Variants in SARDH observed in about 807,000 individuals in gnomAD.
SARDH encodes sarcosine dehydrogenase, mitochondrial.
A neutral mutation model predicts 109.1 loss-of-function variants in SARDH; 95 were observed. The observed-to-expected ratio is 0.87, with a 90% CI of 0.74 to 1.03. SARDH has a LOEUF of 1.03. SARDH is among the 50% of genes least tolerant of loss of function. The pLI, the probability that SARDH is intolerant of heterozygous loss-of-function variation, is 0.00. For synonymous variants in SARDH, 572 were observed against 534.8 expected (o/e 1.07, Z -0.96); for missense variants, 1,267 against 1,287.8 (o/e 0.98, Z 0.25).
rs367808150 is a variant in SARDH at position 133,692,272 on chromosome 9, T to A, written c.1922-1745A>T. Reference sequence around the variant, plus strand: ...GGCAGGACCTGGCCAGGATTTTTGGTGACCTGTGTCCTCATTTTGGCCCCT... The same window carrying A: ...GGCAGGACCTGGCCAGGATTTTTGGAGACCTGTGTCCTCATTTTGGCCCCT... On this transcript the variant is annotated intron_variant, in intron 15 of 20. Transcript: ENST00000439388. The surrounding 1 kb of genome is among the most constrained non-coding windows in gnomAD (Gnocchi z 5.0). Among the ~76,000 whole-genome samples, 1 of 152,276 alleles carries A rather than the reference T, an allele frequency of 6.6e-6. No homozygotes were observed.
chr9:133,732,250 C>T (rs924878535), intron 3 of SARDH, among the ~76,000 whole-genome samples, 173 bp downstream of exon 3: 1 of 150,670 alleles, frequency 6.6e-6, no homozygotes, highest in African/African-American at 2.4e-5. Flanking sequence ...GAGCCCCCCA[C>T]CCCAGCCCCC....
At chr9:133,724,827 T>A (rs549294671) in intron 6 of SARDH, among the ~76,000 whole-genome samples, 1 of 152,122 alleles carries the variant, frequency 6.6e-6, no homozygotes, top group South Asian at 2.1e-4. Context: ...TTGAGCATCA[T>A]GTTAGTGCTC....
intron 4 of SARDH, among the ~76,000 whole-genome samples, 154 bp from the exon 5 acceptor site, chr9:133,730,341 A>C (rs1206208826): frequency 6.6e-6 from 1 of 152,146 alleles, no homozygotes; most frequent in Non-Finnish European, 1.5e-5. Flanking sequence ...AAACCGGATG[A>C]CCACAGCGCC....
At chr9:133,680,991 G>A (rs1177894797) in intron 17 of SARDH, among the ~76,000 whole-genome samples, 3 of 152,236 alleles carry the variant, frequency 2.0e-5, no homozygotes, top group African/African-American at 4.8e-5. Flanking sequence ...TGACCCCACA[G>A]AGCCGGCCAC....
intron 17 of SARDH, among the ~76,000 whole-genome samples, chr9:133,680,362 T>C (rs1323560187): frequency 6.6e-6 from 1 of 152,188 alleles, no homozygotes; most frequent in Admixed American, 6.5e-5. Flanking sequence ...ATCTCCCACC[T>C]GCCTGTGAGG....
At chr9:133,688,965 C>T (rs1369275393) in intron 16 of SARDH, among the ~76,000 whole-genome samples, 15 of 152,324 alleles carry the variant, frequency 9.8e-5, no homozygotes, top group South Asian at 2.1e-4. Context: ...TATGCTTGGA[C>T]GGACAGCAAC....
At chr9:133,674,400 A>C (rs1830449136) in intron 17 of SARDH, among the ~76,000 whole-genome samples, 1 of 152,218 alleles carries the variant, frequency 6.6e-6, no homozygotes, top group South Asian at 2.1e-4. Context: ...TGGGCTCTGA[A>C]AGCCCCAAAT....
intron 11 of SARDH, among the ~76,000 whole-genome samples, chr9:133,708,011 AG>A (rs1434878581): frequency 2.0e-5 from 3 of 151,996 alleles, no homozygotes; most frequent in African/African-American, 7.2e-5. Flanking sequence ...AGCAGTTGGC[AG>A]GGGGCGGTTC....
At chr9:133,721,160 A>T (rs534413445) in intron 6 of SARDH, among the ~76,000 whole-genome samples, 1 of 152,196 alleles carries the variant, frequency 6.6e-6, no homozygotes, top group African/African-American at 2.4e-5. Flanking sequence ...TCACGCATTC[A>T]TATGGAAGGG....
chr9:133,682,649 G>A (rs551221721), intron 17 of SARDH, among the ~76,000 whole-genome samples: 52 of 151,380 alleles, frequency 3.4e-4, no homozygotes, highest in Admixed American at 1.3e-3. Context: ...AAACCCACGC[G>A]CAGTGATGGT....
At position 133,663,864 on chromosome 9, in the gene SARDH, G is replaced by A. The variant is rs1217625070; in HGVS notation, c.*25C>T. ...ACCTGTGAGAATGGATGGACAGCAT[G>A]GGATGGGGCATGTGGTCTGAGCCCT... On this transcript the variant is annotated 3_prime_UTR_variant, in exon 21 of 21. Transcript: ENST00000439388. 3 of 1,613,200 alleles carry A rather than the reference G, an allele frequency of 1.9e-6. No homozygotes were observed. The highest frequency in any genetic ancestry group is 2.2e-5 in the East Asian group (1 of 44,890).
intron 13 of SARDH, among the ~76,000 whole-genome samples, chr9:133,702,058 T>C (rs918448946): frequency 2.6e-5 from 4 of 152,232 alleles, no homozygotes; most frequent in Non-Finnish European, 5.9e-5. Context: ...AAGCTGTCCC[T>C]GGGCTCTGAG....
At chr9:133,664,791 G>A (rs1171429853) in intron 20 of SARDH, among the ~76,000 whole-genome samples, 1 of 152,192 alleles carries the variant, frequency 6.6e-6, no homozygotes, top group Non-Finnish European at 1.5e-5. Context: ...GGAGCTTTAG[G>A]AGTGGTGCTT....
At chr9:133,667,045 C>T (rs1400063192) in intron 19 of SARDH, 175 bp from the exon 20 acceptor site, 7 of 776,762 alleles carry the variant, frequency 9.0e-6, no homozygotes, top group Admixed American at 2.2e-5. Flanking sequence ...AGCACCTGGC[C>T]TGGACAGCAG....
chr9:133,661,475 CACTT>C, downstream of SARDH, among the ~76,000 whole-genome samples: 1 of 152,134 alleles, frequency 6.6e-6, no homozygotes, highest in East Asian at 1.9e-4. Context: ...ACGATGTAGG[CACTT>C]TCTTTTTTTT....
chr9:133,700,972 G>A (rs1033331755), intron 13 of SARDH, among the ~76,000 whole-genome samples: 2 of 152,162 alleles, frequency 1.3e-5, no homozygotes, highest in African/African-American at 4.8e-5. Flanking sequence ...GCCGTGTGTC[G>A]GGAAGCTGTT....
rs144513093 is a variant in SARDH at position 133,712,652 on chromosome 9, C to A, written c.1295G>T (p.Arg432Leu). ...QELAHWIIHGRPEKDMHGYDI... is the reference protein window; with the variant it reads ...QELAHWIIHGLPEKDMHGYDI... The stretch of plus-strand genomic sequence containing the variant: ...ATAGCCATGCATGTCCTTCTCCGGG[C>A]GCCCATGGATGATCCAGTGGGCCAG... The change falls in exon 10 of 21, where the codon CGC becomes CTC. Residue 432 changes from arginine (R) to leucine (L), a missense_variant. Physicochemically the swap from Arg to Leu is moderately radical, Grantham distance 102 (BLOSUM62 -2). Transcript: ENST00000439388. This position sits in a 1 kb window ranked among gnomAD's most constrained non-coding sequence, Gnocchi z 4.1. 6.2e-7 allele frequency: 1 copy of A among 1,610,414 alleles called. No individual in the cohort carries two copies. Among genetic ancestry groups the A allele is most frequent in the East Asian group, 2.2e-5 (1 of 44,842 alleles).
intron 6 of SARDH, 80 bp from the exon 7 acceptor site, chr9:133,719,122 C>A: frequency 8.6e-7 from 1 of 1,165,810 alleles, no homozygotes; most frequent in Non-Finnish European, 1.3e-6. Context: ...GGTGGGCCAG[C>A]ACCTCCACCC....
At chr9:133,665,224 T>A (rs1830022239) in intron 20 of SARDH, among the ~76,000 whole-genome samples, 1 of 152,256 alleles carries the variant, frequency 6.6e-6, no homozygotes, top group East Asian at 1.9e-4. Flanking sequence ...AACCTCGGCT[T>A]CCCTGGTCAC....
Sources: allele counts gnomAD v4.1 joint callset (sites outside exome capture counted in the v4.1 genomes callset), GRCh38; gene constraint gnomAD v4.1.1; non-coding constraint Gnocchi (gnomAD v3.1); transcripts MANE v1.5; gene names NCBI Gene and HGNC (gene_info 2026-07-23, HGNC 2026-07-21).